Variants in TOX observed in about 807,000 individuals in gnomAD.
The protein encoded by TOX is thymocyte selection associated high mobility group box.
In TOX, 11 loss-of-function variants were observed where a neutral mutation model predicts 53.7. That is an observed-to-expected ratio of 0.20 (90% CI 0.13 to 0.34). The LOEUF (loss-of-function observed/expected upper bound fraction) is 0.34. Ranked by LOEUF, TOX falls within the 10% of genes least tolerant of loss-of-function variation. The probability of loss-of-function intolerance (pLI) is 1.00; values close to 1 mark genes in which losing one functional copy is unlikely to be tolerated. For missense variants in TOX, 570 were observed against 664.6 expected, an observed-to-expected ratio of 0.86 and a Z score of 1.56; for synonymous variants, 225 against 245.3, an observed-to-expected ratio of 0.92 and a Z score of 0.77.
In TOX at chr8:58,810,749, C is replaced by T. The variant is rs187927503; in HGVS notation, c.1393-2480G>A. ...GAGAATATATTGACTTAGTTGACAGCGTGGAAACATATGAAAAAGCAAAAC... is the reference window on the plus strand; with the variant it reads ...GAGAATATATTGACTTAGTTGACAGTGTGGAAACATATGAAAAAGCAAAAC... On this transcript the variant is annotated intron_variant, in intron 7 of 8. Transcript: ENST00000361421. Among the ~76,000 whole-genome samples, 445 of 152,026 alleles carry T rather than the reference C, an allele frequency of 2.9e-3. 2 individuals carry two copies. Among genetic ancestry groups the T allele is most frequent in the African/African-American group, 0.01 (426 of 41,438 alleles).
intron 1 of TOX, among the ~76,000 whole-genome samples, chr8:59,108,236 G>A (rs1175748609): frequency 4.6e-5 from 7 of 152,176 alleles, no homozygotes; most frequent in Non-Finnish European, 8.8e-5. Flanking sequence ...CAAGCAGGCA[G>A]CTGCTGAAAC....
At chr8:58,809,789 C>A (rs1397589410) in intron 7 of TOX, among the ~76,000 whole-genome samples, 1 of 152,246 alleles carries the variant, frequency 6.6e-6, no homozygotes, top group Non-Finnish European at 1.5e-5. Context: ...TTCCTTTATT[C>A]AGCCTCATCA....
At chr8:59,027,896 T>C (rs781666466) in intron 1 of TOX, among the ~76,000 whole-genome samples, 2 of 152,176 alleles carry the variant, frequency 1.3e-5, no homozygotes, top group Non-Finnish European at 2.9e-5. Flanking sequence ...CACATGGTTG[T>C]TAGCTGGTTA....
At chr8:59,104,383 C>T (rs542625264) in intron 1 of TOX, among the ~76,000 whole-genome samples, 3 of 152,152 alleles carry the variant, frequency 2.0e-5, no homozygotes, top group Non-Finnish European at 4.4e-5. Flanking sequence ...GACTCCCCCT[C>T]GGAGAGCCAA....
chr8:59,001,768 T>A (rs1043008177), intron 1 of TOX, among the ~76,000 whole-genome samples: 4 of 151,942 alleles, frequency 2.6e-5, no homozygotes, highest in African/African-American at 4.8e-5. Context: ...ATAAGGTCAA[T>A]CAGATGACAA....
At chr8:58,878,205 G>GA (rs3083365) in intron 3 of TOX, among the ~76,000 whole-genome samples, 353 of 141,048 alleles carry the variant, frequency 2.5e-3, no homozygotes, top group African/African-American at 5.6e-3. Context: ...GTGGTATTTG[G>GA]AAAAAAAAAA....
chr8:58,885,214 ATTC>A (rs1811445926), intron 3 of TOX, among the ~76,000 whole-genome samples: 2 of 152,110 alleles, frequency 1.3e-5, no homozygotes, highest in African/African-American at 4.8e-5. Flanking sequence ...ATTCTCTATC[ATTC>A]TTCTACTGCA....
intron 3 of TOX, among the ~76,000 whole-genome samples, chr8:58,896,190 C>T (rs549146147): frequency 6.6e-6 from 1 of 152,200 alleles, no homozygotes; most frequent in Non-Finnish European, 1.5e-5. Context: ...CGAATCAGGC[C>T]ATGGCCAGCC....
intron 3 of TOX, among the ~76,000 whole-genome samples, chr8:58,910,623 GT>G (rs2129173854): frequency 6.6e-6 from 1 of 152,302 alleles, no homozygotes; most frequent in African/African-American, 2.4e-5. Flanking sequence ...AGTTTTGAAA[GT>G]TTAAAGTAAG....
chr8:58,892,633 G>A lies in TOX; in HGVS notation c.412-40828C>T, dbSNP rs368817514. 5.3e-5 allele frequency among the ~76,000 whole-genome samples: 8 copies of A among 152,304 alleles called. 1 individual carries two copies. Among genetic ancestry groups the A allele is most frequent in the East Asian group, 1.9e-4 (1 of 5,188 alleles). ...AAGTACTGAGTTAACTGAGAGATAT[G>A]TAAAATCACACATACCGGGTAAAGT... On this transcript the variant is annotated intron_variant, in intron 3 of 8. Transcript: ENST00000361421.
intron 3 of TOX, among the ~76,000 whole-genome samples, chr8:58,856,697 C>A (rs533147811): frequency 6.6e-6 from 1 of 151,442 alleles, no homozygotes; most frequent in Admixed American, 6.6e-5. Context: ...GCGGAATCCT[C>A]GTGTGGTGCT....
chr8:58,846,345 C>T (rs1053182702), intron 4 of TOX, among the ~76,000 whole-genome samples: 1 of 152,018 alleles, frequency 6.6e-6, no homozygotes, highest in African/African-American at 2.4e-5. Context: ...AAGTACAGTT[C>T]AATGATGACA....
intron 1 of TOX, among the ~76,000 whole-genome samples, chr8:59,010,265 G>C (rs1813878515): frequency 6.6e-6 from 1 of 152,250 alleles, no homozygotes; most frequent in East Asian, 1.9e-4. Flanking sequence ...GATACAGTGT[G>C]AGTAAAATGC....
chr8:58,959,900 TA>T, intron 2 of TOX, 42 bp downstream of exon 2: 5 of 1,603,824 alleles, frequency 3.1e-6, no homozygotes, highest in Non-Finnish European at 4.3e-6. Flanking sequence ...TGAATTTGTT[TA>T]ATTACAATTT....
chr8:58,925,353 C>T (rs893475395), intron 3 of TOX, among the ~76,000 whole-genome samples: 8 of 152,250 alleles, frequency 5.3e-5, no homozygotes, highest in East Asian at 1.9e-4. Context: ...GCATTCATCG[C>T]GCAGTTAGCT....
chr8:58,900,144 A>G (rs1486364798), intron 3 of TOX, among the ~76,000 whole-genome samples: 1 of 152,104 alleles, frequency 6.6e-6, no homozygotes, highest in Non-Finnish European at 1.5e-5. Flanking sequence ...CCCAGGCTTG[A>G]ACCAAATATT....
At position 59,057,273 on chromosome 8, in the gene TOX, T is replaced by C. The variant is rs1196945836; in HGVS notation, c.102+61613A>G. Among the ~76,000 whole-genome samples, 4 of 152,126 alleles carry C rather than the reference T, an allele frequency of 2.6e-5. No individual in the cohort carries two copies. The East Asian group carries it at 5.8e-4, about 22-fold the overall frequency. On this transcript the variant is annotated intron_variant, in intron 1 of 8. Coordinates refer to ENST00000361421, the MANE Select transcript of TOX (RefSeq NM_014729.3). ...AATTTTCTGTTACAAACTGGCCATA[T>C]CTTGTAGAAAAAAAAATCACATACA... is the stretch of plus-strand genomic sequence containing the variant.
Position 59,060,162 on chromosome 8 carries a change from G to A in TOX, c.102+58724C>T, listed in dbSNP as rs181078044. 7.1e-4 allele frequency among the ~76,000 whole-genome samples: 108 copies of A among 152,104 alleles called. 1 individual carries two copies. Among genetic ancestry groups the A allele is most frequent in the East Asian group, 5.2e-3 (27 of 5,186 alleles). On this transcript the variant is annotated intron_variant, in intron 1 of 8. Transcript: ENST00000361421. ...CTCAGCTGGCATTCCCACTATTTTT[G>A]TAATAATTGATAACAGAGTGTTTAA...
At chr8:58,973,275 C>A (rs903246349) in intron 1 of TOX, among the ~76,000 whole-genome samples, 2 of 152,140 alleles carry the variant, frequency 1.3e-5, no homozygotes, top group South Asian at 4.1e-4. Context: ...ATTCTATTTT[C>A]GGGCAATGAA....
Sources: gnomAD v4.1 joint callset for allele counts (sites outside exome capture counted in the v4.1 genomes callset) on GRCh38, gnomAD v4.1.1 for gene constraint, MANE v1.5 for transcripts, NCBI Gene and HGNC (gene_info 2026-07-23, HGNC 2026-07-21) for gene names.